Variants in MTMR1 observed in about 807,000 individuals in gnomAD.
MTMR1 encodes the protein phosphatidylinositol-3-phosphate phosphatase MTMR1.
In MTMR1, 17 loss-of-function variants were observed where a neutral mutation model predicts 51.6. The observed-to-expected ratio is 0.33, with a 90% CI of 0.23 to 0.49. The LOEUF (loss-of-function observed/expected upper bound fraction) is 0.49. MTMR1 is among the 20% of genes least tolerant of loss of function. The pLI, the probability that MTMR1 is intolerant of heterozygous loss-of-function variation, is 0.99. For synonymous variants in MTMR1, 201 were observed against 205.6 expected (o/e 0.98, Z 0.19); for missense variants, 386 against 526.9 (o/e 0.73, Z 2.62).
At chrX:150,757,054 T>C (rs1006970895) in intron 15 of MTMR1, among the ~76,000 whole-genome samples, 8 of 112,543 alleles carry the variant, frequency 7.1e-5, no homozygotes, top group Non-Finnish European at 1.5e-4. Context: ...CAGCCAATGA[T>C]ACAGAAATCT....
At chrX:150,745,988 C>T (rs2042565645) in intron 13 of MTMR1, among the ~76,000 whole-genome samples, 1 of 112,167 alleles carries the variant, frequency 8.9e-6, no homozygotes, top group African/African-American at 3.2e-5. Context: ...TTAATGAGCA[C>T]ACAAGTCCCC....
At chrX:150,703,353 C>T (rs1557415989) in intron 2 of MTMR1, among the ~76,000 whole-genome samples, 1 of 112,063 alleles carries the variant, frequency 8.9e-6, no homozygotes, top group Non-Finnish European at 1.9e-5. Flanking sequence ...CTTGCTAGAA[C>T]ATTATTCAAT....
intron 15 of MTMR1, among the ~76,000 whole-genome samples, chrX:150,759,420 C>T (rs143810515): frequency 9.9e-6 from 1 of 100,835 alleles, no homozygotes; most frequent in Admixed American, 1.0e-4. Flanking sequence ...GGTGGAGTGT[C>T]ATGAACATTA....
In MTMR1 at chrX:150,727,221, A is replaced by G; in HGVS notation, c.359A>G (p.Asp120Gly). ...PGESIKAIVK[D>G]VMYICPFMGA... is the part of the protein sequence containing the mutation. ...TTTGGCCTTTTTCTTTCAGTGAAAG[A>G]TGTCATGTATATCTGCCCATTTATG... Residue 120 changes from aspartate to glycine, a missense_variant, in exon 5 of 16, where the codon GAT becomes GGT. By Grantham distance (94) the Asp-to-Gly change is moderately conservative. Coordinates refer to ENST00000445323, the MANE Select transcript of MTMR1 (RefSeq NM_001306144.3). 3 of 1,198,541 alleles carry G rather than the reference A, an allele frequency of 2.5e-6. No individual in the cohort carries two copies. Among genetic ancestry groups the G allele is most frequent in the Non-Finnish European group, 3.4e-6 (3 of 886,095 alleles).
At chrX:150,702,074 CT>C (rs1305397254) in intron 2 of MTMR1, among the ~76,000 whole-genome samples, 6 of 101,713 alleles carry the variant, frequency 5.9e-5, no homozygotes, top group Non-Finnish European at 1.0e-4. Flanking sequence ...TCTTTTTCTT[CT>C]TCTTCTTTCT....
At chrX:150,693,377 T>C, upstream of MTMR1, 1 of 680,469 alleles carries the variant, frequency 1.5e-6, no homozygotes, top group Non-Finnish European at 1.7e-6. Flanking sequence ...GCCTTGTGGG[T>C]AACGCGGGGC....
Position 150,727,811 on chromosome X carries a change from T to C in MTMR1, c.555+20T>C, listed in dbSNP as rs782258462. The C allele has an allele frequency of 1.2e-5, 14 of 1,128,615 alleles. No homozygotes were observed. In the Admixed American group the frequency reaches 2.9e-4, roughly 23 times the overall value. 93.0% of individuals were successfully genotyped at this position (1,128,615 alleles called of 1,213,427 possible). A position where few individuals can be genotyped will look rare whatever the true frequency, so the allele number is the denominator to read the frequency against. ...TGCAAGGTATAATAGAAACGCCAAG[T>C]GAAAACTAAAAGAGGGCAATCAGCT... On this transcript the variant is annotated intron_variant, in intron 6 of 15. Transcript: ENST00000445323.
chrX:150,715,937 G>C (rs2041498270), intron 3 of MTMR1, among the ~76,000 whole-genome samples: 1 of 112,160 alleles, frequency 8.9e-6, no homozygotes, highest in Non-Finnish European at 1.9e-5. Flanking sequence ...TCTATCTTGA[G>C]AGCATTGTGT....
At chrX:150,744,301 A>G in intron 12 of MTMR1, 60 bp from the exon 13 acceptor site, 1 of 967,181 alleles carries the variant, frequency 1.0e-6, no homozygotes, top group Non-Finnish European at 1.5e-6. Context: ...GACAACTTAC[A>G]GTGACTTTCA....
Position 150,730,163 on chromosome X carries a change from A to T in MTMR1, c.610A>T (p.Ile204Leu). 1 of 1,206,466 alleles carries T rather than the reference A, an allele frequency of 8.3e-7. No individual in the cohort carries two copies. Among genetic ancestry groups the T allele is most frequent in the Non-Finnish European group, 1.1e-6 (1 of 893,104 alleles). The change falls in exon 7 of 16, where the codon ATA (isoleucine) becomes TTA (leucine). Residue 204 changes from isoleucine (I) to leucine (L), a missense_variant. Transcript: ENST00000445323. ...ACAGGAAGAACAGAGTAAACTAGGG[A>T]TATTTGAAAACCTCAACAAACATGC... Reference protein sequence around the residue: ...YKQEEQSKLGIFENLNKHAFP... With the variant: ...YKQEEQSKLGLFENLNKHAFP...
chrX:150,764,123 G>C lies in MTMR1; in HGVS notation c.*1394G>C, dbSNP rs1242031313. 8.9e-6 allele frequency: 1 copy of C among 112,959 alleles called. No homozygotes were observed. Among genetic ancestry groups the C allele is most frequent in the Non-Finnish European group, 1.9e-5 (1 of 53,397 alleles). The allele number at this position is 112,959 out of a possible 1,213,427, so 9.3% of individuals were successfully genotyped here. A position where few individuals can be genotyped will look rare whatever the true frequency, so the allele number is the denominator to read the frequency against. On this transcript the variant is annotated 3_prime_UTR_variant, in exon 16 of 16. Transcript: ENST00000445323. The stretch of plus-strand genomic sequence containing the variant: ...CAGCGGCCCCTGAGGTCAAACCCCA[G>C]TGTGACTGCATAGCAGTGTTAGCTG...
At chrX:150,711,042 CTTTTA>C (rs1283831010) in intron 2 of MTMR1, among the ~76,000 whole-genome samples, 1 of 112,210 alleles carries the variant, frequency 8.9e-6, no homozygotes, top group African/African-American at 3.2e-5. Flanking sequence ...ACATATACTA[CTTTTA>C]TTTATTATCA....
At position 150,693,639 on chromosome X, in the gene MTMR1, G is replaced by A. The variant is rs1191125670; in HGVS notation, c.109G>A (p.Ala37Thr). Residue 37 changes from alanine (A) to threonine (T), a missense_variant, in exon 1 of 16, where the codon GCC becomes ACC. Ala to Thr is a moderately conservative substitution (Grantham distance 58). Transcript: ENST00000445323. ...RPPRAAGGAT[A>T]GSRQPSVETL... ...TCCTCGGGCCGCGGGGGGCGCCACC[G>A]CCGGCTCCCGGCAGCCCAGCGTGGA... The A allele has an allele frequency of 9.3e-6, 7 of 754,579 alleles. No homozygotes were observed. The East Asian group carries it at 9.1e-4, about 98-fold the overall frequency. The allele number at this position is 754,579 out of a possible 1,213,427, so 62.2% of individuals were successfully genotyped here.
At chrX:150,708,827 T>C (rs2041208178) in intron 2 of MTMR1, among the ~76,000 whole-genome samples, 1 of 111,484 alleles carries the variant, frequency 9.0e-6, no homozygotes, top group African/African-American at 3.3e-5. Flanking sequence ...GCTCTCGACA[T>C]CTCCCATTTA....
At chrX:150,701,128 T>C (rs1437875211) in intron 2 of MTMR1, among the ~76,000 whole-genome samples, 7 of 112,608 alleles carry the variant, frequency 6.2e-5, no homozygotes, top group African/African-American at 2.3e-4. Flanking sequence ...CTTTGTTATA[T>C]TTGCCCTGCA....
intron 1 of MTMR1, among the ~76,000 whole-genome samples, chrX:150,698,680 G>GCACACACACACACACACACA (rs1214335904): frequency 6.4e-5 from 4 of 62,964 alleles, no homozygotes; most frequent in East Asian, 9.3e-4. Flanking sequence ...ACACGCGCGC[G>GCACACACACACACACACACA]CACACACACA....
chrX:150,711,740 G>A (rs1418607867), intron 2 of MTMR1, among the ~76,000 whole-genome samples: 1 of 112,097 alleles, frequency 8.9e-6, no homozygotes, highest in Non-Finnish European at 1.9e-5. Flanking sequence ...GGCGGGGAGC[G>A]GGCACCCTCC....
At chrX:150,704,882 GA>G (rs2041040992) in intron 2 of MTMR1, among the ~76,000 whole-genome samples, 1 of 111,301 alleles carries the variant, frequency 9.0e-6, no homozygotes, top group African/African-American at 3.3e-5. Context: ...CAAACTGAAT[GA>G]AAAAAGAGAA....
At chrX:150,724,349 G>C (rs1190644211) in intron 4 of MTMR1, among the ~76,000 whole-genome samples, 1 of 110,773 alleles carries the variant, frequency 9.0e-6, no homozygotes, top group Non-Finnish European at 1.9e-5. Context: ...GTGATACTGA[G>C]CTTTTTTTTC....
Sources: gnomAD v4.1 joint callset for allele counts (sites outside exome capture counted in the v4.1 genomes callset) on GRCh38, gnomAD v4.1.1 for gene constraint, MANE v1.5 for transcripts, NCBI Gene and HGNC (gene_info 2026-07-23, HGNC 2026-07-21) for gene names.